Variants in NPAS3 observed in about 807,000 individuals in gnomAD.
The protein encoded by NPAS3 is neuronal PAS domain protein 3.
Under a neutral mutation model 73.1 loss-of-function variants are expected in NPAS3, and 14 were observed. The observed-to-expected ratio is 0.19, with a 90% CI of 0.13 to 0.30. NPAS3 has a LOEUF of 0.30. NPAS3 is among the 10% of genes least tolerant of loss of function. The pLI, the probability that NPAS3 is intolerant of heterozygous loss-of-function variation, is 1.00. For synonymous variants in NPAS3, 620 were observed against 541.5 expected, an observed-to-expected ratio of 1.14 and a Z score of -2.01; for missense variants, 1,096 against 1,250.0, an observed-to-expected ratio of 0.88 and a Z score of 1.86.
intron 4 of NPAS3, among the ~76,000 whole-genome samples, chr14:33,431,588 A>G (rs1014656183): frequency 1.8e-4 from 27 of 152,158 alleles, no homozygotes; most frequent in Admixed American, 1.4e-3. Context: ...TTAGATTGCT[A>G]TTTTAAATAT....
At chr14:33,663,625 G>C (rs946573883) in intron 5 of NPAS3, among the ~76,000 whole-genome samples, 54 of 152,210 alleles carry the variant, frequency 3.5e-4, no homozygotes, top group Middle Eastern at 3.4e-3. Context: ...GATGGTACGG[G>C]CTCCTCTTTG....
intron 3 of NPAS3, among the ~76,000 whole-genome samples, chr14:33,291,918 T>G (rs1453514943): frequency 6.6e-6 from 1 of 152,196 alleles, no homozygotes; most frequent in Non-Finnish European, 1.5e-5. Context: ...TCAAAGCCAT[T>G]CCTTGTTCTC....
At chr14:33,153,782 C>T (rs374219689) in intron 2 of NPAS3, among the ~76,000 whole-genome samples, 1 of 152,186 alleles carries the variant, frequency 6.6e-6, no homozygotes, top group East Asian at 1.9e-4. Context: ...GAGTCCTAAA[C>T]CATTTGTGTC....
intron 5 of NPAS3, among the ~76,000 whole-genome samples, chr14:33,616,470 A>T (rs1389317322): frequency 6.6e-6 from 1 of 152,198 alleles, no homozygotes; most frequent in Non-Finnish European, 1.5e-5. Flanking sequence ...GAGATCACAC[A>T]AATCCAGACC....
chr14:33,588,860 A>G (rs1037940951), intron 5 of NPAS3, among the ~76,000 whole-genome samples: 1 of 152,102 alleles, frequency 6.6e-6, no homozygotes, highest in African/African-American at 2.4e-5. Context: ...TAAGTGATCT[A>G]CCGGCCCACC....
At chr14:33,249,438 C>T (rs1455448812) in intron 3 of NPAS3, among the ~76,000 whole-genome samples, 1 of 151,696 alleles carries the variant, frequency 6.6e-6, no homozygotes, top group East Asian at 1.9e-4. Flanking sequence ...TAGCACTGGG[C>T]CATATTTATT....
chr14:33,210,302 G>A (rs745912030), intron 2 of NPAS3, among the ~76,000 whole-genome samples: 9 of 152,156 alleles, frequency 5.9e-5, no homozygotes, highest in Non-Finnish European at 1.2e-4. Flanking sequence ...GATTCACAAA[G>A]ATTGCAAATT....
At chr14:33,792,962 T>C (rs1372808002) in intron 9 of NPAS3, among the ~76,000 whole-genome samples, 1 of 152,218 alleles carries the variant, frequency 6.6e-6, no homozygotes, top group African/African-American at 2.4e-5. Flanking sequence ...CGGCACCCTT[T>C]TAAACCATTC....
At chr14:33,315,342 GT>G (rs1219767589) in intron 3 of NPAS3, among the ~76,000 whole-genome samples, 1 of 151,980 alleles carries the variant, frequency 6.6e-6, no homozygotes, top group Non-Finnish European at 1.5e-5. Flanking sequence ...TTAGTTGTAG[GT>G]TTCTGAGTAA....
rs111674262 is a variant in NPAS3 at position 33,286,574 on chromosome 14, C to T, written c.385+71148C>T. Among the ~76,000 whole-genome samples, 638 of 152,220 alleles carry T rather than the reference C, an allele frequency of 4.2e-3. 2 individuals carry two copies. The highest frequency in any genetic ancestry group is 0.015 in the African/African-American group (619 of 41,552). On this transcript the variant is annotated intron_variant, in intron 3 of 11. Transcript: ENST00000356141. ...ATCTCCTTGTGGGGTTACCGAATAT[C>T]GGCCTGAATGAGTGATTCTGCCATC...
intron 4 of NPAS3, among the ~76,000 whole-genome samples, chr14:33,377,454 G>A (rs542169980): frequency 1.3e-5 from 2 of 152,212 alleles, no homozygotes; most frequent in Admixed American, 6.5e-5. Flanking sequence ...CTGGTGAAAC[G>A]GTTTAATGCA....
chr14:33,599,625 AAAAC>A (rs2057343469), intron 5 of NPAS3, among the ~76,000 whole-genome samples: 5 of 152,230 alleles, frequency 3.3e-5, no homozygotes, highest in Admixed American at 3.3e-4. Flanking sequence ...GTGCTATATT[AAAAC>A]AAACAAAAAC....
intron 2 of NPAS3, among the ~76,000 whole-genome samples, chr14:33,118,553 C>A (rs578153935): frequency 3.3e-5 from 5 of 152,228 alleles, no homozygotes; most frequent in African/African-American, 1.2e-4. Flanking sequence ...GTTCTATCTA[C>A]AAATTAAAAC....
Position 33,519,447 on chromosome 14 carries a change from G to A in NPAS3, c.469-40674G>A, listed in dbSNP as rs573882266. Among the ~76,000 whole-genome samples, 76 of 152,046 alleles carry A rather than the reference G, an allele frequency of 5.0e-4. 2 individuals carry two copies. The highest frequency in any genetic ancestry group is 1.0e-3 in the South Asian group (5 of 4,808). On this transcript the variant is annotated intron_variant, in intron 4 of 11. Coordinates refer to ENST00000356141, the Ensembl canonical transcript of NPAS3. ...GATCTAGGAAGTAATTCCAAGTCTCGCCAGCTTCCCCTGATGTCATTCATG... is the reference window on the plus strand; with the variant it reads ...GATCTAGGAAGTAATTCCAAGTCTCACCAGCTTCCCCTGATGTCATTCATG...
intron 4 of NPAS3, among the ~76,000 whole-genome samples, chr14:33,401,605 T>C (rs995093441): frequency 1.3e-5 from 2 of 152,116 alleles, no homozygotes; most frequent in African/African-American, 4.8e-5. Flanking sequence ...TAATTGGACC[T>C]CATGTGAAAG....
intron 5 of NPAS3, 152 bp from the exon 6 acceptor site, chr14:33,676,059 T>A: frequency 1.4e-6 from 1 of 696,822 alleles, no homozygotes; most frequent in Non-Finnish European, 2.4e-6. Flanking sequence ...TCAAGAATTC[T>A]TAAGTATTTG....
chr14:33,108,189 G>T (rs1283510581), intron 2 of NPAS3, among the ~76,000 whole-genome samples: 2 of 123,202 alleles, frequency 1.6e-5, no homozygotes, highest in Non-Finnish European at 3.2e-5. Flanking sequence ...TCTATTTATT[G>T]TTCTGATTTT....
intron 2 of NPAS3, among the ~76,000 whole-genome samples, chr14:33,093,918 A>C (rs1244844299): frequency 6.6e-6 from 1 of 150,988 alleles, no homozygotes; most frequent in Non-Finnish European, 1.5e-5. Context: ...GAAATGAACA[A>C]TGGGAACACT....
intron 1 of NPAS3, among the ~76,000 whole-genome samples, chr14:32,970,574 G>A (rs2037377504): frequency 6.6e-6 from 1 of 152,102 alleles, no homozygotes; most frequent in South Asian, 2.1e-4. Flanking sequence ...AAACTGGGTG[G>A]CTTAAACAGT....
Sources: allele counts gnomAD v4.1 joint callset (sites outside exome capture counted in the v4.1 genomes callset), GRCh38; gene constraint gnomAD v4.1.1; transcripts MANE v1.5; gene names NCBI Gene and HGNC (gene_info 2026-07-23, HGNC 2026-07-21).